Variants in WDPCP observed in about 807,000 individuals in gnomAD.
WDPCP encodes the protein WD repeat containing planar cell polarity effector, also known as WD repeat-containing and planar cell polarity effector protein fritz homolog.
In WDPCP, 71 loss-of-function variants were observed where a neutral mutation model predicts 93.1. The ratio of observed to expected loss-of-function variants is 0.76; its 90% CI spans 0.63 to 0.93. The LOEUF is 0.93. Among genes scored for constraint, WDPCP ranks in the 40% least tolerant of loss-of-function variants. WDPCP has a pLI of 0.00. For synonymous variants in WDPCP, 315 were observed against 315.0 expected, an observed-to-expected ratio of 1.00 and a Z score of 0.00; for missense variants, 844 against 887.4, an observed-to-expected ratio of 0.95 and a Z score of 0.62.
chr2:63,592,010 A>G (rs1436029472), upstream of WDPCP, among the ~76,000 whole-genome samples: 5 of 152,186 alleles, frequency 3.3e-5, no homozygotes, highest in African/African-American at 9.7e-5. Flanking sequence ...TTGAACACAG[A>G]AAGTCTGGCT....
rs772563037 is a variant in WDPCP at position 63,437,393 on chromosome 2, A to G, written c.633+28T>C. On this transcript the variant is annotated intron_variant, in intron 8 of 17. Transcript: ENST00000272321. The stretch of plus-strand genomic sequence containing the variant: ...CTCTCATATACCTTAATAATTAATA[A>G]TATGACTATATAAATCAAAATCTCT... 3.9e-6 allele frequency: 6 copies of G among 1,533,424 alleles called. No homozygotes were observed. The East Asian group carries it at 9.1e-5, about 23-fold the overall frequency. 95.0% of individuals were successfully genotyped at this position (1,533,424 alleles called of 1,614,324 possible). A position where few individuals can be genotyped will look rare whatever the true frequency, so the allele number is the denominator to read the frequency against.
At chr2:63,148,559 C>T (rs1671678570) in intron 17 of WDPCP, among the ~76,000 whole-genome samples, 1 of 151,638 alleles carries the variant, frequency 6.6e-6, no homozygotes, top group African/African-American at 2.4e-5. Context: ...TCACCATGTT[C>T]ACCAGGCTGG....
chr2:63,624,511 C>G (rs919743755), intron 3 of WDPCP, among the ~76,000 whole-genome samples: 1 of 152,100 alleles, frequency 6.6e-6, no homozygotes, highest in Non-Finnish European at 1.5e-5. Context: ...TACCACTGAT[C>G]CCACAGAAAT....
chr2:63,411,780 A>G (rs896871625), intron 9 of WDPCP, among the ~76,000 whole-genome samples: 1 of 152,166 alleles, frequency 6.6e-6, no homozygotes, highest in Non-Finnish European at 1.5e-5. Context: ...AAAACCTAGA[A>G]TAGAGGGAAA....
At chr2:63,775,800 C>T (rs1470973621) in intron 2 of WDPCP, among the ~76,000 whole-genome samples, 1 of 152,184 alleles carries the variant, frequency 6.6e-6, no homozygotes. Context: ...CAGTAGCTGA[C>T]ATCAAAATCA....
intron 1 of WDPCP, among the ~76,000 whole-genome samples, chr2:63,826,562 T>C (rs1322978177): frequency 6.6e-6 from 1 of 152,198 alleles, no homozygotes; most frequent in Non-Finnish European, 1.5e-5. Flanking sequence ...TTAAAAAGTC[T>C]GCTACTTCTT....
At chr2:63,378,288 G>C (rs934810361) in intron 12 of WDPCP, 98 bp downstream of exon 12, 4 of 1,523,912 alleles carry the variant, frequency 2.6e-6, no homozygotes, top group Non-Finnish European at 1.8e-6. Flanking sequence ...GGACTGTTAG[G>C]AAACACATAG....
intron 12 of WDPCP, among the ~76,000 whole-genome samples, chr2:63,359,300 A>AATC (rs1690259296): frequency 6.6e-6 from 1 of 152,212 alleles, no homozygotes; most frequent in South Asian, 2.1e-4. Flanking sequence ...TCCAAGGAAA[A>AATC]ATCCATAAAC....
rs565140904 is a variant in WDPCP, at chr2:63,652,331, T to C, written n.309-1493A>G. Among the ~76,000 whole-genome samples, 13 of 152,340 alleles carry C rather than the reference T, an allele frequency of 8.5e-5. No homozygotes were observed. The East Asian group carries it at 1.2e-3, about 14-fold the overall frequency. On this transcript the variant is annotated intron_variant and non_coding_transcript_variant, in intron 2 of 4. Transcript: ENST00000467687. Reference sequence around the variant, plus strand: ...GGGTGAAGGTGGGTCACAACACTTATGCAATTCACAAACTTTTGTAAAATT... The same window carrying C: ...GGGTGAAGGTGGGTCACAACACTTACGCAATTCACAAACTTTTGTAAAATT...
chr2:63,428,408 C>T (rs1303835018), intron 9 of WDPCP, among the ~76,000 whole-genome samples: 1 of 152,182 alleles, frequency 6.6e-6, no homozygotes, highest in Non-Finnish European at 1.5e-5. Flanking sequence ...GGTTTTATCC[C>T]TGGGATGCAA....
At chr2:63,358,302 T>C (rs2104626249) in intron 12 of WDPCP, among the ~76,000 whole-genome samples, 1 of 152,266 alleles carries the variant, frequency 6.6e-6, no homozygotes, top group Middle Eastern at 3.4e-3. Context: ...CCTGTTACTA[T>C]ATTCCTGTTT....
chr2:63,501,418 T>C (rs948580283), intron 1 of WDPCP, among the ~76,000 whole-genome samples: 3 of 151,928 alleles, frequency 2.0e-5, no homozygotes, highest in Non-Finnish European at 2.9e-5. Flanking sequence ...AAATAAAAAT[T>C]AGGCAGGTGT....
In WDPCP at chr2:63,692,062, G is replaced by A. The variant is rs181650032; in HGVS notation, n.309-41224C>T. 8.7e-3 allele frequency among the ~76,000 whole-genome samples: 1,321 copies of A among 152,122 alleles called. 8 individuals are homozygous for A. The highest frequency in any genetic ancestry group is 0.015 in the Admixed American group (227 of 15,284). On this transcript the variant is annotated intron_variant and non_coding_transcript_variant, in intron 2 of 4. Transcript: ENST00000467687. ...AAGTTACTCTCAATAATTATTCCTGGAAGGACATTTTCTTCAAGTTTTGTT... is the reference window on the plus strand; with the variant it reads ...AAGTTACTCTCAATAATTATTCCTGAAAGGACATTTTCTTCAAGTTTTGTT...
At position 63,404,167 on chromosome 2, in the gene WDPCP, A is replaced by C; in HGVS notation, c.1316T>G (p.Val439Gly). ...CTGAGGAGCTATCCATTGCATTTGA[A>C]CAAGACTGCTGGAGGCATCAAATAA... Reference protein sequence around the residue: ...SKLFDASSSLVQMQWIAPQVV... With the variant: ...SKLFDASSSLGQMQWIAPQVV... The change falls in exon 10 of 18, where the codon GTT (valine) becomes GGT (glycine). Residue 439 changes from valine to glycine, a missense_variant. By Grantham distance (109) the Val-to-Gly change is moderately radical. Coordinates refer to ENST00000272321, the MANE Select transcript of WDPCP (RefSeq NM_015910.7). The C allele has an allele frequency of 6.2e-7, 1 of 1,614,150 alleles. No homozygotes were observed. The highest frequency in any genetic ancestry group is 8.5e-7 in the Non-Finnish European group (1 of 1,180,016).
chr2:63,522,334 C>G (rs1702992697), intron 1 of WDPCP, among the ~76,000 whole-genome samples: 1 of 151,784 alleles, frequency 6.6e-6, no homozygotes. Flanking sequence ...AAATTAACAA[C>G]CTAACATCAC....
chr2:63,547,937 T>C (rs1705278051), intron 1 of WDPCP, among the ~76,000 whole-genome samples: 1 of 152,076 alleles, frequency 6.6e-6, no homozygotes, highest in Non-Finnish European at 1.5e-5. Context: ...AGAGAATAAT[T>C]CAAATATTTC....
At position 63,557,436 on chromosome 2, in the gene WDPCP, G is replaced by A. The variant is rs540115828; in HGVS notation, c.75+30761C>T. On this transcript the variant is annotated intron_variant, in intron 1 of 17. Transcript: ENST00000272321. ...GAAGGGGCATTACATAATGGTAAAG[G>A]GTTGAATTCAACAAGAAAAGCTAAC... 3.3e-5 allele frequency among the ~76,000 whole-genome samples: 5 copies of A among 152,202 alleles called. No individual in the cohort carries two copies. In the South Asian group the frequency reaches 1.0e-3, roughly 32 times the overall value.
chr2:63,191,323 C>T lies in WDPCP; in HGVS notation c.1916-16491G>A, dbSNP rs1030485596. On this transcript the variant is annotated intron_variant, in intron 14 of 17. Transcript: ENST00000272321. ...AGGAGAATGGCGTGAACCCGGGAGGCGGAGCTTGCAGTGAGCTGAGATTGC... is the reference window on the plus strand; with the variant it reads ...AGGAGAATGGCGTGAACCCGGGAGGTGGAGCTTGCAGTGAGCTGAGATTGC... Among the ~76,000 whole-genome samples, 37 of 152,066 alleles carry T rather than the reference C, an allele frequency of 2.4e-4. 1 individual carries two copies. The highest frequency in any genetic ancestry group is 1.0e-3 in the Admixed American group (16 of 15,276).
At chr2:63,747,099 G>C (rs1015785820) in intron 2 of WDPCP, among the ~76,000 whole-genome samples, 1 of 151,952 alleles carries the variant, frequency 6.6e-6, no homozygotes, top group African/African-American at 2.4e-5. Flanking sequence ...GAAATATCGG[G>C]GGCTGAATTT....
Sources: allele counts gnomAD v4.1 joint callset (sites outside exome capture counted in the v4.1 genomes callset), GRCh38; gene constraint gnomAD v4.1.1; transcripts MANE v1.5; gene names NCBI Gene and HGNC (gene_info 2026-07-23, HGNC 2026-07-21).